ZNF669: variants seen among roughly 807,000 people sequenced by gnomAD.
ZNF669 encodes the protein zinc finger protein 669.
In ZNF669, 7 loss-of-function variants were observed where a neutral mutation model predicts 11.4. The observed-to-expected ratio is 0.62, with a 90% CI of 0.35 to 1.16. ZNF669 has a LOEUF of 1.16. Ranked by LOEUF, ZNF669 falls within the 50% of genes most tolerant of loss-of-function variation. ZNF669 has a pLI of 0.02. For synonymous variants in ZNF669, 153 were observed against 155.8 expected (o/e 0.98, Z 0.13); for missense variants, 492 against 463.6 (o/e 1.06, Z -0.56).
rs780024447 is a variant in ZNF669 at position 247,100,379 on chromosome 1, C to G, written c.1132G>C (p.Ala378Pro). Residue 378 changes from alanine (A) to proline (P), a missense_variant, in exon 4 of 4, where the codon GCT becomes CCT. Ala to Pro is a conservative substitution (Grantham distance 27, BLOSUM62 -1). Transcript: ENST00000448299. The part of the protein sequence containing the change: ...STLGGQGVWI[A>P] ...CTGGTTATGAACTCCTGGGCTCAAGCAATCCACACGCCTTGGCCTCCCAAA... is the reference window on the plus strand; with the variant it reads ...CTGGTTATGAACTCCTGGGCTCAAGGAATCCACACGCCTTGGCCTCCCAAA... 1.3e-6 allele frequency: 2 copies of G among 1,575,582 alleles called. No homozygotes were observed. Among genetic ancestry groups the G allele is most frequent in the Non-Finnish European group, 1.7e-6 (2 of 1,152,414 alleles).
chr1:247,101,322 G>A lies in ZNF669; in HGVS notation c.192-3C>T. 6.5e-7 allele frequency: 1 copy of A among 1,538,816 alleles called. No individual in the cohort carries two copies. Among genetic ancestry groups the A allele is most frequent in the Non-Finnish European group, 8.7e-7 (1 of 1,150,334 alleles). ...ACAGTCTCTGTACGATATGATTTCTGTAAAAAAATGACAAGCACATTATTA... is the reference window on the plus strand; with the variant it reads ...ACAGTCTCTGTACGATATGATTTCTATAAAAAAATGACAAGCACATTATTA... On this transcript the variant is annotated splice_polypyrimidine_tract_variant and splice_region_variant and intron_variant, in intron 3 of 3. Transcript: ENST00000448299.
At chr1:247,102,707 A>G (rs1263592083) in intron 1 of ZNF669, among the ~76,000 whole-genome samples, 1 of 152,230 alleles carries the variant, frequency 6.6e-6, no homozygotes, top group Non-Finnish European at 1.5e-5. Context: ...GTGTTTAATG[A>G]GTTTCCCTGG....
In ZNF669 at chr1:247,100,263, C is replaced by A. The variant is rs542146932; in HGVS notation, c.*111G>T. The stretch of plus-strand genomic sequence containing the variant: ...CCTCCCAAAGTGCTGGGATTACAGG[C>A]GTAAGCCACCGTGCCCGGCATTATT... On this transcript the variant is annotated 3_prime_UTR_variant, in exon 4 of 4. Transcript: ENST00000448299. The A allele has an allele frequency of 1.1e-5, 8 of 716,750 alleles. No homozygotes were observed. The East Asian group carries it at 1.6e-4, about 15-fold the overall frequency. The allele number at this position is 716,750 out of a possible 1,614,324, so 44.4% of individuals were successfully genotyped here. A position where few individuals can be genotyped will look rare whatever the true frequency, so the allele number is the denominator to read the frequency against.
rs1453953017 is a variant in ZNF669, at chr1:247,100,916, TACC to T, written c.592_594del (p.Gly198del). On this transcript the variant is annotated inframe_deletion, in exon 4 of 4. Coordinates refer to ENST00000448299, the MANE Select transcript of ZNF669 (RefSeq NM_001142572.2). ...CAAGAACCGGAAACAGTGAATGCTTTACCACATTGTTTACATTTATAGGGTTTT... is the reference window on the plus strand; with the variant it reads ...CAAGAACCGGAAACAGTGAATGCTTTACATTGTTTACATTTATAGGGTTTT... 6.2e-7 allele frequency: 1 copy of T among 1,614,072 alleles called. No individual in the cohort carries two copies. The highest frequency in any genetic ancestry group is 8.5e-7 in the Non-Finnish European group (1 of 1,180,038).
chr1:247,104,307 A>G lies in ZNF669; in HGVS notation c.-108T>C, dbSNP rs562713259. On this transcript the variant is annotated 5_prime_UTR_variant, in exon 1 of 4. Transcript: ENST00000448299. ...GCCACCTGGGCCTCCCAGAGCCAAGAACTAGCAGCGGAGACTAACAGGAAG... is the reference window on the plus strand; with the variant it reads ...GCCACCTGGGCCTCCCAGAGCCAAGGACTAGCAGCGGAGACTAACAGGAAG... 6.3e-4 allele frequency: 863 copies of G among 1,374,482 alleles called. 5 individuals carry two copies. In the African/African-American group the frequency reaches 0.012, roughly 18 times the overall value. 85.1% of individuals were successfully genotyped at this position (1,374,482 alleles called of 1,614,324 possible).
In ZNF669 at chr1:247,100,630, T is replaced by C. The variant is rs937848713; in HGVS notation, c.881A>G (p.His294Arg). The C allele has an allele frequency of 3.7e-6, 6 of 1,614,106 alleles. 1 individual carries two copies. The African/African-American group carries it at 5.3e-5, about 14-fold the overall frequency. ...AFSRLSSLCNHRSTHTGEKPY... is the reference protein window; with the variant it reads ...AFSRLSSLCNRRSTHTGEKPY... ...TTTCTCTCCGGTATGAGTACTTCTA[T>C]GGTTACAAAGGGAACTCAAACGACT... The change falls in exon 4 of 4, where the codon CAT becomes CGT. Residue 294 changes from histidine to arginine, a missense_variant. Coordinates refer to ENST00000448299, the MANE Select transcript of ZNF669 (RefSeq NM_001142572.2).
At chr1:247,101,688 A>C in intron 3 of ZNF669, 43 bp downstream of exon 3, 2 of 1,535,484 alleles carry the variant, frequency 1.3e-6, no homozygotes, top group South Asian at 1.2e-5. Flanking sequence ...ACATGCTAAG[A>C]TTCCTTCAGA....
At position 247,100,081 on chromosome 1, in the gene ZNF669, T is replaced by G; in HGVS notation, c.*293A>C. 1 of 276,952 alleles carries G rather than the reference T, an allele frequency of 3.6e-6. No homozygotes were observed. The highest frequency in any genetic ancestry group is 6.8e-6 in the Non-Finnish European group (1 of 146,484). The allele number at this position is 276,952 out of a possible 1,614,324, so 17.2% of individuals were successfully genotyped here. On this transcript the variant is annotated 3_prime_UTR_variant, in exon 4 of 4. Transcript: ENST00000448299. ...CTCACTGCAAGTTCCGCCTCCCGGG[T>G]TCATGCCATTCTCCTGCCTCAGCCT...
chr1:247,101,681 T>C lies in ZNF669; in HGVS notation c.191+50A>G, dbSNP rs770303815. ...ATTGCTTGTTTTTAAGTTCATGACA[T>C]GCTAAGATTCCTTCAGAGGACTTTA... On this transcript the variant is annotated intron_variant, in intron 3 of 3. Transcript: ENST00000448299. The C allele has an allele frequency of 5.1e-5, 76 of 1,504,812 alleles. 2 individuals are homozygous for C. In the South Asian group the frequency reaches 9.0e-4, roughly 18 times the overall value. The allele number at this position is 1,504,812 out of a possible 1,614,324, so 93.2% of individuals were successfully genotyped here.
chr1:247,101,249 G>C lies in ZNF669; in HGVS notation c.262C>G (p.Pro88Ala). The C allele has an allele frequency of 1.2e-6, 2 of 1,613,192 alleles. No individual in the cohort carries two copies. The highest frequency in any genetic ancestry group is 1.7e-6 in the Non-Finnish European group (2 of 1,179,678). ...GQYGEVVSQIPNLDLNENIST... is the reference protein window; with the variant it reads ...GQYGEVVSQIANLDLNENIST... ...ATGTTCTCGTTCAGATCAAGATTTGGAATTTGGCTGACAACTTCTCCATAC... is the reference window on the plus strand; with the variant it reads ...ATGTTCTCGTTCAGATCAAGATTTGCAATTTGGCTGACAACTTCTCCATAC... The change falls in exon 4 of 4, where the codon CCA becomes GCA. Residue 88 changes from proline to alanine, a missense_variant. By Grantham distance (27) the Pro-to-Ala change is conservative. Coordinates refer to ENST00000448299, the MANE Select transcript of ZNF669 (RefSeq NM_001142572.2).
intron 1 of ZNF669, among the ~76,000 whole-genome samples, chr1:247,102,736 T>G (rs921455671): frequency 9.2e-5 from 14 of 152,246 alleles, no homozygotes; most frequent in Non-Finnish European, 1.9e-4. Flanking sequence ...ATTTTATATG[T>G]GCTGTCACTT....
chr1:247,101,299 A>T lies in ZNF669; in HGVS notation c.212T>A (p.Leu71Gln), dbSNP rs368785765. 2 of 1,598,200 alleles carry T rather than the reference A, an allele frequency of 1.3e-6. No individual in the cohort carries two copies. Among genetic ancestry groups the T allele is most frequent in the Non-Finnish European group, 1.7e-6 (2 of 1,173,082 alleles). Residue 71 changes from leucine (L) to glutamine (Q), a missense_variant, in exon 4 of 4, where the codon CTG becomes CAG. Coordinates refer to ENST00000448299, the MANE Select transcript of ZNF669 (RefSeq NM_001142572.2). ...CTGACCATCTTCTTTACTTTCACAC[A>T]GTCTCTGTACGATATGATTTCTGTA... ...KDIRNHIVQR[L>Q]CESKEDGQYG... is the part of the protein sequence containing the mutation.
chr1:247,104,073 G>A (rs779326801), intron 1 of ZNF669, 124 bp downstream of exon 1: 2 of 1,375,598 alleles, frequency 1.5e-6, no homozygotes, highest in South Asian at 1.2e-5. Flanking sequence ...ACTGAGCCCC[G>A]GCTACGCCAC....
chr1:247,100,844 T>C lies in ZNF669; in HGVS notation c.667A>G (p.Lys223Glu). The C allele has an allele frequency of 6.2e-7, 1 of 1,614,150 alleles. No homozygotes were observed. Among genetic ancestry groups the C allele is most frequent in the Non-Finnish European group, 8.5e-7 (1 of 1,180,006 alleles). The change falls in exon 4 of 4, where the codon AAG becomes GAG. Residue 223 changes from lysine to glutamate, a missense_variant. Coordinates refer to ENST00000448299, the MANE Select transcript of ZNF669 (RefSeq NM_001142572.2). ...AATCTGAATGTTTTCCCACATTCCT[T>C]ACATTCGTAGGGTTTCTCTCCAGTG... ...THTGEKPYEC[K>E]ECGKTFRFSC...
At position 247,100,328 on chromosome 1, in the gene ZNF669, G is replaced by T. The variant is rs755161592; in HGVS notation, c.*46C>A. ...GACAGGGTTTCACCATGTTGCCCAG[G>T]TTGTTTCACATTGTTTTAATCCAGG... On this transcript the variant is annotated 3_prime_UTR_variant, in exon 4 of 4. Coordinates refer to ENST00000448299, the MANE Select transcript of ZNF669 (RefSeq NM_001142572.2). 4.3e-6 allele frequency: 5 copies of T among 1,159,496 alleles called. No homozygotes were observed. Among genetic ancestry groups the T allele is most frequent in the Admixed American group, 2.2e-5 (1 of 45,294 alleles). The allele number at this position is 1,159,496 out of a possible 1,614,324, so 71.8% of individuals were successfully genotyped here. A position where few individuals can be genotyped will look rare whatever the true frequency, so the allele number is the denominator to read the frequency against.
intron 1 of ZNF669, 114 bp downstream of exon 1, chr1:247,104,083 C>A (rs1420874679): frequency 3.1e-6 from 5 of 1,588,268 alleles, no homozygotes; most frequent in Middle Eastern, 1.7e-4. Flanking sequence ...GGCTACGCCA[C>A]GGCGACTCGG....
In ZNF669 at chr1:247,100,526, C is replaced by T. The variant is rs1671696584; in HGVS notation, c.985G>A (p.Glu329Lys). Residue 329 changes from glutamate to lysine, a missense_variant, in exon 4 of 4, where the codon GAA becomes AAA. Transcript: ENST00000448299. Reference protein sequence around the residue: ...LHLHERIHTGEKPYECKKCGK... With the variant: ...LHLHERIHTGKKPYECKKCGK... ...CATTTCTTACATTCATAGGGTTTTT[C>T]TCCAGTATGAATTCTTTCGTGGAGG... The T allele has an allele frequency of 6.2e-7, 1 of 1,614,106 alleles. No homozygotes were observed. Among genetic ancestry groups the T allele is most frequent in the Non-Finnish European group, 8.5e-7 (1 of 1,180,056 alleles).
At position 247,103,632 on chromosome 1, in the gene ZNF669, C is replaced by CAA. The variant is rs58671011; in HGVS notation, c.3+563_3+564dup. Among the ~76,000 whole-genome samples, 26 of 50,038 alleles carry CAA rather than the reference C, an allele frequency of 5.2e-4. 1 individual carries two copies. Among genetic ancestry groups the CAA allele is most frequent in the South Asian group, 1.2e-3 (1 of 812 alleles). The allele number at this position is 50,038 out of a possible 152,430, so 32.8% of individuals were successfully genotyped here. The stretch of plus-strand genomic sequence containing the variant: ...TGGCGACAGGGCGAGATTCCGTCTC[C>CAA]AAAAAAAAAAAAAAAAAAAAAAAAA... On this transcript the variant is annotated intron_variant, in intron 1 of 3. Coordinates refer to ENST00000448299, the MANE Select transcript of ZNF669 (RefSeq NM_001142572.2).
intron 1 of ZNF669, chr1:247,103,973 T>A (rs762532656): frequency 6.2e-7 from 1 of 1,603,854 alleles, no homozygotes; most frequent in Non-Finnish European, 8.5e-7. Context: ...CCGACAGGGC[T>A]CCGGCCGGCG....
Sources: allele counts gnomAD v4.1 joint callset (sites outside exome capture counted in the v4.1 genomes callset), GRCh38; gene constraint gnomAD v4.1.1; transcripts MANE v1.5; gene names NCBI Gene and HGNC (gene_info 2026-07-23, HGNC 2026-07-21).